PEMT: variants seen among roughly 807,000 people sequenced by gnomAD.
PEMT encodes the protein phosphatidylethanolamine N-methyltransferase.
A neutral mutation model predicts 27.4 loss-of-function variants in PEMT; 23 were observed. That is an observed-to-expected ratio of 0.84 (90% CI 0.60 to 1.19). The LOEUF is 1.19. Among genes scored for constraint, PEMT ranks in the 50% most tolerant of loss-of-function variants. PEMT has a pLI of 0.00. For missense variants in PEMT, 307 were observed against 310.1 expected (o/e 0.99, Z 0.07); for synonymous variants, 137 against 139.1 (o/e 0.98, Z 0.11).
intron 2 of PEMT, among the ~76,000 whole-genome samples, chr17:17,531,374 G>C (rs1159046449): frequency 6.6e-6 from 1 of 151,612 alleles, no homozygotes; most frequent in African/African-American, 2.4e-5. Flanking sequence ...GTCTCAGTCT[G>C]TCTCAGTAGG....
chr17:17,524,017 A>C (rs1340646559), intron 2 of PEMT, among the ~76,000 whole-genome samples: 2 of 151,972 alleles, frequency 1.3e-5, no homozygotes, highest in African/African-American at 4.8e-5. Context: ...CACACACTAC[A>C]TGGTCTTTTG....
In PEMT at chr17:17,591,690, C is replaced by G; in HGVS notation, c.-64G>C. ...GCAGCCACGCGCCCCCGGAACCGGA[C>G]CTATAGAGCCGGGTAAGTGCCGCCA... On this transcript the variant is annotated 5_prime_UTR_variant, in exon 1 of 7. Transcript: ENST00000255389. 6.5e-7 allele frequency: 1 copy of G among 1,545,286 alleles called. No individual in the cohort carries two copies. The highest frequency in any genetic ancestry group is 8.7e-7 in the Non-Finnish European group (1 of 1,143,976).
chr17:17,570,259 G>A (rs1024818072), intron 2 of PEMT, among the ~76,000 whole-genome samples: 2 of 152,178 alleles, frequency 1.3e-5, no homozygotes, highest in East Asian at 1.9e-4. Flanking sequence ...AGCAGGCTCC[G>A]CTTCAACTCT....
rs1379643678 is a variant in PEMT at position 17,523,859 on chromosome 17, C to G, written c.205-1464G>C. Among the ~76,000 whole-genome samples, 1 of 152,108 alleles carries G rather than the reference C, an allele frequency of 6.6e-6. No individual in the cohort carries two copies. Among genetic ancestry groups the G allele is most frequent in the Non-Finnish European group, 1.5e-5 (1 of 68,014 alleles). ...TTCAAAGTAGTTTTTAGCTATGCAA[C>G]CATCACCACGGTCTAAGTCCAGAAC... On this transcript the variant is annotated intron_variant, in intron 2 of 6. Transcript: ENST00000255389. The surrounding 1 kb of genome is among the most constrained non-coding windows in gnomAD (Gnocchi z 4.8).
intron 4 of PEMT, among the ~76,000 whole-genome samples, chr17:17,509,792 C>T (rs887748747): frequency 1.3e-5 from 2 of 152,202 alleles, no homozygotes; most frequent in Non-Finnish European, 2.9e-5. Context: ...CTCCTCTTCT[C>T]GAGCACTCTG....
chr17:17,576,973 T>G lies in PEMT; in HGVS notation c.151A>C (p.Ser51Arg), dbSNP rs745433638. 4.6e-5 allele frequency: 74 copies of G among 1,613,904 alleles called. No individual in the cohort carries two copies. The highest frequency in any genetic ancestry group is 5.7e-5 in the Non-Finnish European group (67 of 1,179,998). ...LLGYVDPLDP[S>R]FVAAVITITF... The stretch of plus-strand genomic sequence containing the variant: ...ATGGTGATGACGGCAGCCACAAAGC[T>G]GGGATCCAGGGGGTCCACGTAGCCC... The change falls in exon 2 of 7, where the codon AGC becomes CGC. Residue 51 changes from serine to arginine, a missense_variant. Coordinates refer to ENST00000255389, the MANE Select transcript of PEMT (RefSeq NM_148172.3).
chr17:17,529,665 G>A (rs968465237), intron 2 of PEMT, among the ~76,000 whole-genome samples: 3 of 152,196 alleles, frequency 2.0e-5, no homozygotes, highest in African/African-American at 7.2e-5. Flanking sequence ...CACAGCGGGG[G>A]ACACTCGCCT....
Position 17,509,526 on chromosome 17 carries a change from G to A in PEMT, c.486C>T (p.Leu162=), listed in dbSNP as rs764215470. ...GTFLGDYFGI[L]KEARVTVFPF... is the part of the protein sequence containing the mutation. ...GGAACACGGTCACTCTCGCCTCCTTGAGGATCCCGAAGTAATCACCTGTGG... is the reference window on the plus strand; with the variant it reads ...GGAACACGGTCACTCTCGCCTCCTTAAGGATCCCGAAGTAATCACCTGTGG... The change falls in exon 5 of 7, where the codon CTC becomes CTT. Residue 162 remains leucine (L), a synonymous_variant. Coordinates refer to ENST00000255389, the MANE Select transcript of PEMT (RefSeq NM_148172.3). 1 of 1,613,444 alleles carries A rather than the reference G, an allele frequency of 6.2e-7. No homozygotes were observed. The highest frequency in any genetic ancestry group is 1.7e-5 in the Admixed American group (1 of 60,016).
intron 1 of PEMT, among the ~76,000 whole-genome samples, chr17:17,588,646 G>GGGACCTGAGACCT (rs1912443908): frequency 3.3e-5 from 5 of 152,242 alleles, no homozygotes; most frequent in Admixed American, 2.6e-4. Context: ...CTATGGAAAA[G>GGGACCTGAGACCT]GGACCTGAGA....
intron 1 of PEMT, among the ~76,000 whole-genome samples, chr17:17,586,276 GAA>G (rs1304777237): frequency 9.6e-6 from 1 of 104,242 alleles, no homozygotes. Flanking sequence ...AAGAAAGAAA[GAA>G]AGAAAGAAAG....
rs1910438823 is a variant in PEMT, at chr17:17,561,056, G to C, written c.204+15864C>G. ...CTCCCCTCTCTCCTCCCTTCCTCCA[G>C]ACCCCACACTCAAATCCTATTTGCC... On this transcript the variant is annotated intron_variant, in intron 2 of 6. Coordinates refer to ENST00000255389, the MANE Select transcript of PEMT (RefSeq NM_148172.3). This position sits in a 1 kb window ranked among gnomAD's most constrained non-coding sequence, Gnocchi z 4.5. 6.6e-6 allele frequency among the ~76,000 whole-genome samples: 1 copy of C among 151,912 alleles called. No individual in the cohort carries two copies. The highest frequency in any genetic ancestry group is 2.4e-5 in the African/African-American group (1 of 41,322).
intron 4 of PEMT, among the ~76,000 whole-genome samples, chr17:17,511,648 G>C (rs1191449150): frequency 6.6e-6 from 1 of 152,244 alleles, no homozygotes; most frequent in Admixed American, 6.5e-5. Flanking sequence ...GGCTGATGGG[G>C]AGGAAGACGT....
At chr17:17,522,176 G>T in intron 3 of PEMT, 104 bp downstream of exon 3, 1 of 796,068 alleles carries the variant, frequency 1.3e-6, no homozygotes, top group Non-Finnish European at 2.1e-6. Flanking sequence ...ACCCCTGAGT[G>T]CTCAGACACA....
chr17:17,591,517 G>A lies in PEMT; in HGVS notation c.96+14C>T, dbSNP rs750038080. ...CCTCTCCCAGTTTCCGCGGCGGTCC[G>A]GTGCGGTCAGTACCTGTCTAAAATC... On this transcript the variant is annotated intron_variant, in intron 1 of 6. Coordinates refer to ENST00000255389, the MANE Select transcript of PEMT (RefSeq NM_148172.3). 2.3e-5 allele frequency: 37 copies of A among 1,596,502 alleles called. No individual in the cohort carries two copies. Among genetic ancestry groups the A allele is most frequent in the Non-Finnish European group, 2.0e-5 (23 of 1,166,508 alleles).
chr17:17,567,431 A>G (rs1910900882), intron 2 of PEMT, among the ~76,000 whole-genome samples: 1 of 152,244 alleles, frequency 6.6e-6, no homozygotes, highest in Non-Finnish European at 1.5e-5. Context: ...CTCAGCTGCC[A>G]TTCAGAGGCA....
In PEMT at chr17:17,523,351, G is replaced by A. The variant is rs1358388082; in HGVS notation, c.205-956C>T. 6.6e-6 allele frequency among the ~76,000 whole-genome samples: 1 copy of A among 152,188 alleles called. No homozygotes were observed. Among genetic ancestry groups the A allele is most frequent in the Admixed American group, 6.5e-5 (1 of 15,286 alleles). ...TGCTGCCTGCTCCACTTCCCAAGTG[G>A]ACCTGCCTTTCCCAGCAGTTGCGGC... On this transcript the variant is annotated intron_variant, in intron 2 of 6. Transcript: ENST00000255389. This position sits in a 1 kb window ranked among gnomAD's most constrained non-coding sequence, Gnocchi z 4.8.
At chr17:17,519,500 C>G (rs1041122160) in intron 3 of PEMT, among the ~76,000 whole-genome samples, 18 of 152,130 alleles carry the variant, frequency 1.2e-4, no homozygotes, top group Admixed American at 4.6e-4. Context: ...ACTCCCAGGC[C>G]CCGGGATCCA....
intron 1 of PEMT, chr17:17,577,509 G>A (rs1271538875): frequency 2.0e-6 from 2 of 1,002,366 alleles, no homozygotes; most frequent in African/African-American, 3.4e-5. Context: ...GAGGGTGTGA[G>A]TGGGGCGGGG....
intron 1 of PEMT, among the ~76,000 whole-genome samples, chr17:17,586,224 G>A (rs1418211559): frequency 2.1e-5 from 1 of 48,160 alleles, no homozygotes; most frequent in Non-Finnish European, 3.9e-5. Context: ...GAAAAAGAAA[G>A]AAAGAAAGAA....
Sources: allele counts gnomAD v4.1 joint callset (sites outside exome capture counted in the v4.1 genomes callset), GRCh38; gene constraint gnomAD v4.1.1; non-coding constraint Gnocchi (gnomAD v3.1); transcripts MANE v1.5; gene names NCBI Gene and HGNC (gene_info 2026-07-23, HGNC 2026-07-21).